Variants in SYN3 observed in about 807,000 individuals in gnomAD.
SYN3 encodes the protein synapsin-3.
SYN3 carries 35 observed loss-of-function variants against 65.8 expected under a neutral mutation model. That is an observed-to-expected ratio of 0.53 (90% CI 0.41 to 0.70). The LOEUF is 0.70. SYN3 is among the 30% of genes least tolerant of loss of function. The probability of loss-of-function intolerance (pLI) is 0.00; values close to 1 mark genes in which losing one functional copy is unlikely to be tolerated. For synonymous variants in SYN3, 270 were observed against 292.9 expected (o/e 0.92, Z 0.80); for missense variants, 680 against 749.0 (o/e 0.91, Z 1.08).
At chr22:32,676,942 A>G (rs2147093301) in intron 6 of SYN3, among the ~76,000 whole-genome samples, 1 of 152,308 alleles carries the variant, frequency 6.6e-6, no homozygotes, top group East Asian at 1.9e-4. Flanking sequence ...ACACTTGGGA[A>G]TTATTCTTCC....
intron 6 of SYN3, among the ~76,000 whole-genome samples, chr22:32,634,737 C>T (rs916953851): frequency 2.0e-5 from 3 of 152,162 alleles, no homozygotes; most frequent in Admixed American, 2.0e-4. Flanking sequence ...CTTGGTTTCC[C>T]CAGGCTGGCT....
intron 6 of SYN3, among the ~76,000 whole-genome samples, chr22:32,703,867 T>C (rs766036225): frequency 6.6e-6 from 1 of 152,142 alleles, no homozygotes; most frequent in Admixed American, 6.5e-5. Context: ...TCAAATGCAT[T>C]TTTGATAAAA....
rs1269459222 is a variant in SYN3 at position 32,944,955 on chromosome 22, AATAAAAT to A, written c.370-13481_370-13475del. ...TCCCATTCACAATTGCTTCAAAGAG[AATAAAAT>A]ACCTAGGAATCCAACTTACAAGGGA... is the stretch of plus-strand genomic sequence containing the variant. On this transcript the variant is annotated intron_variant, in intron 3 of 13. Coordinates refer to ENST00000358763, the MANE Select transcript of SYN3 (RefSeq NM_003490.4). 5.9e-5 allele frequency among the ~76,000 whole-genome samples: 9 copies of A among 152,192 alleles called. No homozygotes were observed. In the South Asian group the frequency reaches 8.3e-4, roughly 14 times the overall value.
At chr22:32,716,697 A>AT (rs149407513) in intron 6 of SYN3, among the ~76,000 whole-genome samples, 40,770 of 151,614 alleles carry the variant, frequency 0.27, 5,889 homozygotes, top group Middle Eastern at 0.36. Flanking sequence ...TACCCGGCTA[A>AT]TTTTTTGTGG....
intron 1 of SYN3, among the ~76,000 whole-genome samples, chr22:33,008,949 A>G (rs2053272753): frequency 8.6e-5 from 8 of 92,682 alleles, no homozygotes; most frequent in African/African-American, 2.7e-4. Context: ...AAAAAAAAAA[A>G]AAAAAAAAAA....
rs906514373 is a variant in SYN3, at chr22:32,916,084, G to A, written c.461+15306C>T. Among the ~76,000 whole-genome samples, 5 of 152,190 alleles carry A rather than the reference G, an allele frequency of 3.3e-5. No homozygotes were observed. The East Asian group carries it at 7.7e-4, about 23-fold the overall frequency. On this transcript the variant is annotated intron_variant, in intron 4 of 13. Transcript: ENST00000358763. Reference sequence around the variant, plus strand: ...CTCTTGAAAACCAGCTACCACATGAGAAATCTGACTATGCTGAGACCACAT... The same window carrying A: ...CTCTTGAAAACCAGCTACCACATGAAAAATCTGACTATGCTGAGACCACAT...
intron 6 of SYN3, among the ~76,000 whole-genome samples, chr22:32,763,261 C>G (rs1602089176): frequency 6.6e-6 from 1 of 152,112 alleles, no homozygotes; most frequent in South Asian, 2.1e-4. Flanking sequence ...ATTCTCCTGC[C>G]TCAGCTTCTC....
intron 5 of SYN3, among the ~76,000 whole-genome samples, chr22:32,868,543 C>A (rs1428780643): frequency 1.3e-5 from 2 of 151,828 alleles, no homozygotes; most frequent in Non-Finnish European, 2.9e-5. Context: ...CGGGTTCAAG[C>A]GATTCTCCTG....
chr22:32,569,563 C>G (rs1246638195), intron 7 of SYN3, among the ~76,000 whole-genome samples: 5 of 52,872 alleles, frequency 9.5e-5, no homozygotes, highest in Admixed American at 2.4e-4. Context: ...CTCTCTCTCT[C>G]TCTCTCTCTA....
chr22:32,752,130 G>A (rs2045147198), intron 6 of SYN3, among the ~76,000 whole-genome samples: 1 of 152,172 alleles, frequency 6.6e-6, no homozygotes, highest in Non-Finnish European at 1.5e-5. Flanking sequence ...GTGAGTACAT[G>A]ACTACGAGTC....
At chr22:32,977,025 T>C (rs1468406655) in intron 3 of SYN3, among the ~76,000 whole-genome samples, 3 of 152,056 alleles carry the variant, frequency 2.0e-5, no homozygotes, top group Admixed American at 1.3e-4. Context: ...GTTCCACCCA[T>C]TGATACAGAT....
chr22:32,632,521 G>A (rs1285842941), intron 6 of SYN3, among the ~76,000 whole-genome samples: 3 of 152,284 alleles, frequency 2.0e-5, no homozygotes, highest in Non-Finnish European at 4.4e-5. Context: ...TCCCTTTGGG[G>A]CCTTCGATCT....
rs143657802 is a variant in SYN3 at position 32,508,565 on chromosome 22, G to A, written c.*5127C>T. Among the ~76,000 whole-genome samples the A allele has an allele frequency of 5.3e-5, 8 of 152,226 alleles. No individual in the cohort carries two copies. The highest frequency in any genetic ancestry group is 1.7e-4 in the African/African-American group (7 of 41,540). ...CTCCTCCCATTCCTCTTCAGATTCA[G>A]TTTGGAAGAGGTCTTTTTGAGGTTG... is the stretch of plus-strand genomic sequence containing the variant. On this transcript the variant is annotated 3_prime_UTR_variant, in exon 14 of 14. Transcript: ENST00000358763.
intron 6 of SYN3, among the ~76,000 whole-genome samples, chr22:32,613,190 A>C (rs1884193351): frequency 6.6e-6 from 1 of 151,916 alleles, no homozygotes; most frequent in African/African-American, 2.4e-5. Context: ...TTTTTTTTTA[A>C]TAAATTAAAA....
chr22:32,911,182 C>T (rs1390327882), intron 4 of SYN3, among the ~76,000 whole-genome samples: 1 of 152,168 alleles, frequency 6.6e-6, no homozygotes, highest in Non-Finnish European at 1.5e-5. Flanking sequence ...GGCATCTTTG[C>T]AAATTCAGAT....
chr22:33,055,203 A>T (rs912539096), intron 1 of SYN3, among the ~76,000 whole-genome samples: 1 of 152,188 alleles, frequency 6.6e-6, no homozygotes, highest in Non-Finnish European at 1.5e-5. Flanking sequence ...ACAAATATAC[A>T]CTATCACATC....
rs144339107 is a variant in SYN3 at position 32,961,319 on chromosome 22, A to ATC, written c.369+19324_369+19325dup. Reference sequence around the variant, plus strand: ...CTAAGCGTATCTTCCTCTTTCTAGCATCTCTCTCTCTCTCTCTCTCTCTTT... The same window carrying ATC: ...CTAAGCGTATCTTCCTCTTTCTAGCATCTCTCTCTCTCTCTCTCTCTCTCTTT... On this transcript the variant is annotated intron_variant, in intron 3 of 13. Transcript: ENST00000358763. Among the ~76,000 whole-genome samples, 321 of 148,768 alleles carry ATC rather than the reference A, an allele frequency of 2.2e-3. 1 individual carries two copies. The highest frequency in any genetic ancestry group is 2.6e-3 in the East Asian group (13 of 5,092).
chr22:32,694,593 G>C (rs1304847612), intron 6 of SYN3, among the ~76,000 whole-genome samples: 1 of 152,178 alleles, frequency 6.6e-6, no homozygotes, highest in Non-Finnish European at 1.5e-5. Flanking sequence ...CACAGCTGAA[G>C]GCAGTTGAAA....
chr22:32,964,415 A>G (rs965349240), intron 3 of SYN3, among the ~76,000 whole-genome samples: 7 of 86,720 alleles, frequency 8.1e-5, no homozygotes, highest in Admixed American at 3.9e-4. Flanking sequence ...AACTTAAAGT[A>G]TAATAAAAAA....
Sources: gnomAD v4.1 joint callset for allele counts (sites outside exome capture counted in the v4.1 genomes callset) on GRCh38, gnomAD v4.1.1 for gene constraint, MANE v1.5 for transcripts, NCBI Gene and HGNC (gene_info 2026-07-23, HGNC 2026-07-21) for gene names.